PCDH15: variants seen among roughly 807,000 people sequenced by gnomAD.
PCDH15 encodes protocadherin related 15.
Under a neutral mutation model 178.5 loss-of-function variants are expected in PCDH15, and 129 were observed. The observed-to-expected ratio is 0.72, with a 90% CI of 0.63 to 0.84. PCDH15 has a LOEUF of 0.84. Ranked by LOEUF, PCDH15 falls within the 40% of genes least tolerant of loss-of-function variation. PCDH15 has a pLI of 0.00. For missense variants in PCDH15, 2,230 were observed against 2,099.9 expected, an observed-to-expected ratio of 1.06 and a Z score of -1.21; for synonymous variants, 800 against 732.0, an observed-to-expected ratio of 1.09 and a Z score of -1.50.
rs11004555 is a variant in PCDH15, at chr10:54,762,764, C to T, written c.-29+38161G>A. Reference sequence around the variant, plus strand: ...TGAAATGCTTAAGCATTTTAGCTAGCCTTTTTTAAAGTGCAATCATAAAAA... The same window carrying T: ...TGAAATGCTTAAGCATTTTAGCTAGTCTTTTTTAAAGTGCAATCATAAAAA... On this transcript the variant is annotated intron_variant, in intron 1 of 37. Transcript: ENST00000644397. 4.6e-3 allele frequency among the ~76,000 whole-genome samples: 700 copies of T among 151,992 alleles called. 16 individuals are homozygous for T. The East Asian group carries it at 0.056, about 12-fold the overall frequency.
chr10:53,929,858 A>C (rs2133966243), intron 25 of PCDH15, among the ~76,000 whole-genome samples: 1 of 152,320 alleles, frequency 6.6e-6, no homozygotes, highest in Non-Finnish European at 1.5e-5. Context: ...TTCATGTTTA[A>C]AGATAATTAT....
intron 2 of PCDH15, among the ~76,000 whole-genome samples, chr10:55,456,736 T>C (rs934988136): frequency 6.6e-6 from 1 of 152,014 alleles, no homozygotes; most frequent in Admixed American, 6.6e-5. Context: ...AATGAGAGTC[T>C]AAATTGACAG....
intron 1 of PCDH15, among the ~76,000 whole-genome samples, chr10:55,209,659 T>C (rs1840506957): frequency 6.6e-6 from 1 of 152,146 alleles, no homozygotes; most frequent in Non-Finnish European, 1.5e-5. Flanking sequence ...AATGATTCTA[T>C]TCATTGATAT....
At chr10:55,180,790 T>C (rs751738338) in intron 1 of PCDH15, among the ~76,000 whole-genome samples, 2 of 152,090 alleles carry the variant, frequency 1.3e-5, no homozygotes, top group Non-Finnish European at 2.9e-5. Context: ...TGCAGATGCC[T>C]GTCTCCAACA....
intron 2 of PCDH15, among the ~76,000 whole-genome samples, chr10:55,341,785 ATATATATATATATATATATATTTTTTT>A (rs1400786262): frequency 2.8e-4 from 6 of 21,452 alleles, no homozygotes; most frequent in African/African-American, 7.8e-4. Context: ...ATATATATAT[ATATATATATATATATATATATTTTTTT>A]TTTTTTTTTT....
At chr10:54,323,313 C>T (rs886607699) in intron 7 of PCDH15, among the ~76,000 whole-genome samples, 1 of 152,084 alleles carries the variant, frequency 6.6e-6, no homozygotes, top group African/African-American at 2.4e-5. Flanking sequence ...GAAGATTTCT[C>T]AAAGAATTTA....
chr10:54,626,905 C>T (rs2093569851), intron 2 of PCDH15, among the ~76,000 whole-genome samples: 1 of 152,166 alleles, frequency 6.6e-6, no homozygotes, highest in African/African-American at 2.4e-5. Flanking sequence ...AGGGATGGAG[C>T]TTCCCAAGAC....
chr10:55,262,534 C>G (rs908295330), intron 1 of PCDH15, among the ~76,000 whole-genome samples: 9 of 152,120 alleles, frequency 5.9e-5, no homozygotes, highest in African/African-American at 1.2e-4. Context: ...AAGAACACAT[C>G]GGTGGAAGAG....
At chr10:55,073,355 G>A (rs553969003) in intron 2 of PCDH15, among the ~76,000 whole-genome samples, 19 of 151,922 alleles carry the variant, frequency 1.3e-4, no homozygotes, top group African/African-American at 4.6e-4. Context: ...AAACCCCATT[G>A]TCTCAGCCCA....
chr10:54,773,362 A>G (rs911828688), intron 1 of PCDH15, among the ~76,000 whole-genome samples: 1 of 152,212 alleles, frequency 6.6e-6, no homozygotes, highest in African/African-American at 2.4e-5. Flanking sequence ...TTAATAAATT[A>G]AAACTATGCT....
rs142560723 is a variant in PCDH15 at position 54,383,311 on chromosome 10, C to G, written c.158-4369G>C. ...AAGGCAACAGTTTATTCACAGTAAC[C>G]GTTGATAACTTTTCATGAAATAAAA... On this transcript the variant is annotated intron_variant, in intron 3 of 37. Coordinates refer to ENST00000644397, the MANE Select transcript of PCDH15 (RefSeq NM_001384140.1). 5.0e-3 allele frequency among the ~76,000 whole-genome samples: 752 copies of G among 151,552 alleles called. 8 individuals are homozygous for G. The highest frequency in any genetic ancestry group is 0.017 in the African/African-American group (698 of 41,348).
chr10:55,596,303 C>G (rs10825555), intron 2 of PCDH15, among the ~76,000 whole-genome samples: 112,685 of 151,934 alleles, frequency 0.74, 42,682 homozygotes, highest in East Asian at 0.99. Context: ...ACTTTTTTTT[C>G]TTTGCTCGTT....
At chr10:55,618,069 T>A (rs1200261742) in intron 2 of PCDH15, among the ~76,000 whole-genome samples, 1 of 152,032 alleles carries the variant, frequency 6.6e-6, no homozygotes, top group Non-Finnish European at 1.5e-5. Context: ...TTTCAAACAA[T>A]TTTCAACAAG....
At chr10:54,853,318 T>TATATATATACAC (rs1194965974) in intron 3 of PCDH15, among the ~76,000 whole-genome samples, 84 of 102,004 alleles carry the variant, frequency 8.2e-4, no homozygotes, top group African/African-American at 2.5e-3. Context: ...TATATATATA[T>TATATATATACAC]ACATACACAC....
chr10:53,868,578 TAA>T (rs199961898), intron 26 of PCDH15, among the ~76,000 whole-genome samples: 2,750 of 152,218 alleles, frequency 0.018, 88 homozygotes, highest in African/African-American at 0.062. Context: ...AATTTTAATT[TAA>T]GTTACATAAT....
chr10:54,859,916 T>C (rs1218533661), intron 3 of PCDH15, among the ~76,000 whole-genome samples: 9 of 151,964 alleles, frequency 5.9e-5, no homozygotes, highest in Non-Finnish European at 1.3e-4. Context: ...TCCAACCTTT[T>C]TTCTAAACTG....
intron 2 of PCDH15, among the ~76,000 whole-genome samples, chr10:55,037,039 C>A (rs2131972639): frequency 6.6e-6 from 1 of 152,212 alleles, no homozygotes; most frequent in Non-Finnish European, 1.5e-5. Context: ...TAACCTGTCA[C>A]CCCTGAAGAT....
intron 21 of PCDH15, among the ~76,000 whole-genome samples, chr10:53,975,296 C>T (rs538572889): frequency 6.6e-6 from 1 of 152,160 alleles, no homozygotes; most frequent in Admixed American, 6.5e-5. Flanking sequence ...TGGTTATATA[C>T]CCAGTAATGG....
At chr10:55,174,124 C>T (rs1427171656) in intron 1 of PCDH15, among the ~76,000 whole-genome samples, 1 of 152,150 alleles carries the variant, frequency 6.6e-6, no homozygotes, top group Non-Finnish European at 1.5e-5. Flanking sequence ...ATTACCATGA[C>T]ATGAAATCGA....
Sources: allele counts gnomAD v4.1 joint callset (sites outside exome capture counted in the v4.1 genomes callset), GRCh38; gene constraint gnomAD v4.1.1; transcripts MANE v1.5; gene names NCBI Gene and HGNC (gene_info 2026-07-23, HGNC 2026-07-21).